Variants in A1CF observed in about 807,000 individuals in gnomAD.
The protein encoded by A1CF is APOBEC-1 stimulating protein.
A1CF carries 48 observed loss-of-function variants against 68.9 expected under a neutral mutation model. The observed-to-expected ratio is 0.70, with a 90% CI of 0.55 to 0.89. The LOEUF is 0.89. Ranked by LOEUF, A1CF falls within the 40% of genes least tolerant of loss-of-function variation. A1CF has a pLI of 0.00. For missense variants in A1CF, 653 were observed against 718.9 expected (o/e 0.91, Z 1.05); for synonymous variants, 272 against 260.4 (o/e 1.04, Z -0.43).
At chr10:50,820,147 A>G (rs960078452) in intron 8 of A1CF, among the ~76,000 whole-genome samples, 1 of 152,330 alleles carries the variant, frequency 6.6e-6, no homozygotes. Context: ...TGGAAGATCA[A>G]ACTATGAAGG....
chr10:50,818,189 A>G (rs936746500), intron 8 of A1CF, among the ~76,000 whole-genome samples: 15 of 152,278 alleles, frequency 9.9e-5, no homozygotes, highest in African/African-American at 3.6e-4. Context: ...ATAGCTTTAT[A>G]ACTAGTTTCT....
chr10:50,816,372 A>G, intron 8 of A1CF, 93 bp from the exon 9 acceptor site: 2 of 1,343,732 alleles, frequency 1.5e-6, no homozygotes, highest in Non-Finnish European at 2.1e-6. Context: ...TCTAAGTGTT[A>G]GACTATTTGC....
At chr10:50,823,502 A>G (rs1838773744) in intron 7 of A1CF, 1 of 152,200 alleles carries the variant, frequency 6.6e-6, no homozygotes, top group Admixed American at 6.5e-5. Flanking sequence ...CCTGCATGCC[A>G]AAGGGAAGGT....
chr10:50,850,590 A>T, intron 3 of A1CF: 2 of 1,424,082 alleles, frequency 1.4e-6, no homozygotes, highest in Non-Finnish European at 1.9e-6. Flanking sequence ...AACAAAAAGC[A>T]TTTGTGTGTG....
At chr10:50,841,586 C>G (rs1037351199) in intron 5 of A1CF, among the ~76,000 whole-genome samples, 2 of 152,074 alleles carry the variant, frequency 1.3e-5, no homozygotes, top group African/African-American at 4.8e-5. Flanking sequence ...TGATATATTC[C>G]CAATATTTTG....
At chr10:50,824,259 C>T (rs1027230788) in intron 7 of A1CF, 2 of 152,052 alleles carry the variant, frequency 1.3e-5, no homozygotes, top group Admixed American at 6.6e-5. Context: ...TCCGGGCACA[C>T]ATGTCTCTTT....
At chr10:50,810,098 T>G in intron 11 of A1CF, 56 bp from the exon 12 acceptor site, 1 of 1,598,424 alleles carries the variant, frequency 6.3e-7, no homozygotes, top group Non-Finnish European at 8.6e-7. Flanking sequence ...CTGAGTCAGG[T>G]GAAAACTTAA....
At chr10:50,843,964 A>C in intron 4 of A1CF, 24 bp downstream of exon 4, 1 of 1,612,404 alleles carries the variant, frequency 6.2e-7, no homozygotes, top group South Asian at 1.1e-5. Flanking sequence ...GATAAGAAAA[A>C]TTAAATGTTA....
chr10:50,810,355 G>C (rs10508933), intron 11 of A1CF, among the ~76,000 whole-genome samples: 31,969 of 152,158 alleles, frequency 0.21, 4,134 homozygotes, highest in East Asian at 0.46. Context: ...AAATTCAGGA[G>C]GTGATATCCA....
At position 50,804,843 on chromosome 10, in the gene A1CF, A is replaced by C. The variant is rs1837748352; in HGVS notation, c.*1886T>G. 1 of 152,168 alleles carries C rather than the reference A, an allele frequency of 6.6e-6. No homozygotes were observed. The highest frequency in any genetic ancestry group is 2.4e-5 in the African/African-American group (1 of 41,454). 9.4% of individuals were successfully genotyped at this position (152,168 alleles called of 1,614,324 possible). A position where few individuals can be genotyped will look rare whatever the true frequency, so the allele number is the denominator to read the frequency against. ...ATTCCCAAACCTAGGTGCACATTGA[A>C]ATCACCTAGGGATCATTAAAAAATA... is the stretch of plus-strand genomic sequence containing the variant. On this transcript the variant is annotated 3_prime_UTR_variant, in exon 13 of 13. Coordinates refer to ENST00000373997, the MANE Select transcript of A1CF (RefSeq NM_014576.4).
intron 1 of A1CF, among the ~76,000 whole-genome samples, chr10:50,869,146 TA>T (rs1391903794): frequency 2.0e-5 from 3 of 151,916 alleles, no homozygotes; most frequent in African/African-American, 4.8e-5. Flanking sequence ...AAAAAAAAGT[TA>T]AAAAAAATTT....
chr10:50,837,996 G>A (rs1839591522), intron 5 of A1CF, among the ~76,000 whole-genome samples: 1 of 152,068 alleles, frequency 6.6e-6, no homozygotes, highest in South Asian at 2.1e-4. Context: ...GCGGAGAAAT[G>A]GTTTTAACTT....
intron 3 of A1CF, among the ~76,000 whole-genome samples, chr10:50,856,902 T>C (rs1042206088): frequency 5.3e-5 from 8 of 152,136 alleles, no homozygotes; most frequent in Admixed American, 2.6e-4. Flanking sequence ...ATTTTATATG[T>C]TAACATTTTC....
At chr10:50,843,741 G>A (rs530228231) in intron 4 of A1CF, among the ~76,000 whole-genome samples, 1 of 152,244 alleles carries the variant, frequency 6.6e-6, no homozygotes, top group South Asian at 2.1e-4. Flanking sequence ...GAAAGATTGG[G>A]GAACAAGATA....
intron 1 of A1CF, among the ~76,000 whole-genome samples, chr10:50,866,327 T>G (rs1840988601): frequency 6.6e-6 from 1 of 152,210 alleles, no homozygotes; most frequent in Non-Finnish European, 1.5e-5. Flanking sequence ...CATCAGTGCC[T>G]ATTTGACCAA....
At position 50,877,200 on chromosome 10, in the gene A1CF, A is replaced by G. The variant is rs1347395213; in HGVS notation, c.-94+8381T>C. 2.0e-5 allele frequency among the ~76,000 whole-genome samples: 3 copies of G among 152,228 alleles called. No homozygotes were observed. The East Asian group carries it at 5.8e-4, about 29-fold the overall frequency. ...GAATTGGTAAAGTGGTAATCATGGT[A>G]TACAATGTAGATATTCTTCAGCTTA... On this transcript the variant is annotated intron_variant, in intron 1 of 12. Transcript: ENST00000373997.
At chr10:50,824,575 G>C (rs1390228286) in intron 7 of A1CF, 1 of 152,160 alleles carries the variant, frequency 6.6e-6, no homozygotes, top group East Asian at 1.9e-4. Context: ...TGTCAAAGCT[G>C]TATTTTTCTG....
chr10:50,874,174 T>A, intron 1 of A1CF, among the ~76,000 whole-genome samples: 1 of 152,198 alleles, frequency 6.6e-6, no homozygotes, highest in East Asian at 1.9e-4. Flanking sequence ...CATATTCATC[T>A]GGCCCACAGA....
At chr10:50,847,779 T>C (rs535051762) in intron 3 of A1CF, among the ~76,000 whole-genome samples, 10 of 152,140 alleles carry the variant, frequency 6.6e-5, no homozygotes, top group African/African-American at 2.4e-4. Flanking sequence ...CTTACTAAAA[T>C]TGAGTTCTGA....
Sources: allele counts gnomAD v4.1 joint callset (sites outside exome capture counted in the v4.1 genomes callset), GRCh38; gene constraint gnomAD v4.1.1; transcripts MANE v1.5; gene names NCBI Gene and HGNC (gene_info 2026-07-23, HGNC 2026-07-21).